Variants in ZFAT observed in about 807,000 individuals in gnomAD.
ZFAT encodes zinc finger and AT-hook domain containing.
In ZFAT, 64 loss-of-function variants were observed where a neutral mutation model predicts 117.7. That is an observed-to-expected ratio of 0.54 (90% confidence interval 0.44 to 0.67). ZFAT has a LOEUF of 0.67. Among genes scored for constraint, ZFAT ranks in the 30% least tolerant of loss-of-function variants. ZFAT has a pLI of 0.00. For missense variants in ZFAT, 1,433 were observed against 1,584.5 expected, an observed-to-expected ratio of 0.90 and a Z score of 1.62; for synonymous variants, 679 against 615.0, an observed-to-expected ratio of 1.10 and a Z score of -1.54.
At chr8:134,488,393 G>A (rs1043762854) in intron 15 of ZFAT, among the ~76,000 whole-genome samples, 2 of 152,154 alleles carry the variant, frequency 1.3e-5, no homozygotes, top group Non-Finnish European at 1.5e-5. Flanking sequence ...ACTCTCCTTG[G>A]GTGGAGTTAG....
intron 1 of ZFAT, among the ~76,000 whole-genome samples, chr8:134,662,567 C>T (rs138183778): frequency 6.6e-6 from 1 of 152,220 alleles, no homozygotes; most frequent in East Asian, 1.9e-4. Flanking sequence ...AAAGCAGGCA[C>T]CCTCATCAGG....
chr8:134,756,085 C>A, the ZFAT span, among the ~76,000 whole-genome samples: 1 of 152,136 alleles, frequency 6.6e-6, no homozygotes, highest in African/African-American at 2.4e-5. Flanking sequence ...GGGCTCTTTC[C>A]CTACCAGTCC....
intron 1 of ZFAT, among the ~76,000 whole-genome samples, chr8:134,663,841 AC>A (rs1324917244): frequency 3.3e-5 from 5 of 152,210 alleles, no homozygotes; most frequent in African/African-American, 1.2e-4. Flanking sequence ...AACACAGCAG[AC>A]CCAACATGGT....
intron 10 of ZFAT, among the ~76,000 whole-genome samples, chr8:134,578,259 A>C (rs1339821461): frequency 2.0e-5 from 3 of 151,782 alleles, no homozygotes; most frequent in East Asian, 3.9e-4. Flanking sequence ...CTAAAGATAC[A>C]AATTAGTTGG....
At chr8:134,739,400 C>G in the ZFAT span, among the ~76,000 whole-genome samples, 1 of 152,034 alleles carries the variant, frequency 6.6e-6, no homozygotes, top group East Asian at 1.9e-4. Flanking sequence ...CAGCTGTAAT[C>G]AATGAGAAGA....
chr8:134,574,015 A>G (rs895998265), intron 10 of ZFAT, among the ~76,000 whole-genome samples: 1 of 152,242 alleles, frequency 6.6e-6, no homozygotes, highest in South Asian at 2.1e-4. Flanking sequence ...TGAAAATAGG[A>G]GAAGGAAAGA....
chr8:134,608,607 T>C (rs1161789556), intron 5 of ZFAT, 122 bp downstream of exon 5: 10 of 1,217,190 alleles, frequency 8.2e-6, no homozygotes, highest in Admixed American at 5.3e-5. Context: ...GGAGTCAGTA[T>C]CTCTTATAAA....
the ZFAT span, among the ~76,000 whole-genome samples, chr8:134,815,578 G>A: frequency 3.9e-5 from 6 of 152,230 alleles, no homozygotes; most frequent in African/African-American, 1.4e-4. Context: ...TCTTATTGTG[G>A]CTTGTAAGAC....
At chr8:134,544,418 A>G (rs918386833) in intron 11 of ZFAT, among the ~76,000 whole-genome samples, 3 of 149,394 alleles carry the variant, frequency 2.0e-5, no homozygotes, top group African/African-American at 7.5e-5. Flanking sequence ...AACAACAACA[A>G]AAGAAAAAAA....
intron 6 of ZFAT, 85 bp from the exon 7 acceptor site, chr8:134,600,753 C>T: frequency 1.9e-6 from 2 of 1,067,922 alleles, no homozygotes; most frequent in East Asian, 2.6e-5. Flanking sequence ...TTTTTATCTA[C>T]AATATCTATC....
At chr8:134,788,280 C>T in the ZFAT span, among the ~76,000 whole-genome samples, 1 of 152,080 alleles carries the variant, frequency 6.6e-6, no homozygotes, top group South Asian at 2.1e-4. Context: ...ATAAATTTTC[C>T]TCCACGCACT....
chr8:134,819,149 C>A, the ZFAT span, among the ~76,000 whole-genome samples: 1 of 151,674 alleles, frequency 6.6e-6, no homozygotes, highest in East Asian at 1.9e-4. Flanking sequence ...TTCTCAACAA[C>A]AACAAACAAA....
At chr8:134,621,068 A>G (rs1563686501) in intron 3 of ZFAT, among the ~76,000 whole-genome samples, 1 of 151,782 alleles carries the variant, frequency 6.6e-6, no homozygotes, top group Non-Finnish European at 1.5e-5. Flanking sequence ...TGAGCTCTAG[A>G]AAAGACTCTT....
At chr8:134,487,932 G>A (rs1290218566) in intron 15 of ZFAT, among the ~76,000 whole-genome samples, 1 of 152,240 alleles carries the variant, frequency 6.6e-6, no homozygotes, top group African/African-American at 2.4e-5. Context: ...CTGGGATAAA[G>A]AGTGCAGAGT....
At chr8:134,591,664 T>C (rs1222022695) in intron 7 of ZFAT, among the ~76,000 whole-genome samples, 1 of 152,212 alleles carries the variant, frequency 6.6e-6, no homozygotes, top group Non-Finnish European at 1.5e-5. Context: ...TCATCCAATG[T>C]GACTGGTGTC....
rs1428645245 is a variant in ZFAT, at chr8:134,551,798, G to C, written c.2976+13535C>G. On this transcript the variant is annotated intron_variant, in intron 11 of 15. Coordinates refer to ENST00000377838, the MANE Select transcript of ZFAT (RefSeq NM_020863.4). The stretch of plus-strand genomic sequence containing the variant: ...TACCCAAGCCCCTTATACATTCTAG[G>C]TGCTCAGATGCCTCGTGTATTTTGT... 2.0e-5 allele frequency among the ~76,000 whole-genome samples: 3 copies of C among 152,088 alleles called. No individual in the cohort carries two copies. The East Asian group carries it at 5.8e-4, about 29-fold the overall frequency.
intron 15 of ZFAT, among the ~76,000 whole-genome samples, chr8:134,503,775 C>A (rs1819169092): frequency 6.6e-6 from 1 of 152,104 alleles, no homozygotes. Context: ...GAAACACTGG[C>A]CCTTCCTGTG....
intron 11 of ZFAT, among the ~76,000 whole-genome samples, chr8:134,549,623 T>A (rs1019796765): frequency 3.3e-5 from 5 of 151,668 alleles, no homozygotes; most frequent in Non-Finnish European, 1.5e-5. Flanking sequence ...AGTGGGCAAC[T>A]CAAAAAAAAA....
At chr8:134,529,843 C>T (rs902805042) in intron 12 of ZFAT, among the ~76,000 whole-genome samples, 1 of 152,220 alleles carries the variant, frequency 6.6e-6, no homozygotes, top group African/African-American at 2.4e-5. Context: ...TGGGAAGAGC[C>T]TTAGCAGCCA....
Sources: allele counts gnomAD v4.1 joint callset (sites outside exome capture counted in the v4.1 genomes callset), GRCh38; gene constraint gnomAD v4.1.1; transcripts MANE v1.5; gene names NCBI Gene and HGNC (gene_info 2026-07-23, HGNC 2026-07-21).